FOXO1: variants seen among roughly 807,000 people sequenced by gnomAD.
The protein encoded by FOXO1 is forkhead box protein O1.
FOXO1 carries 6 observed loss-of-function variants against 44.1 expected under a neutral mutation model. That is an observed-to-expected ratio of 0.14 (90% CI 0.07 to 0.27). The LOEUF is 0.27. Ranked by LOEUF, FOXO1 falls within the 10% of genes least tolerant of loss-of-function variation. FOXO1 has a pLI of 1.00. For synonymous variants in FOXO1, 380 were observed against 362.7 expected (o/e 1.05, Z -0.54); for missense variants, 737 against 888.8 (o/e 0.83, Z 2.17).
chr13:40,630,191 C>T (rs1876914383), intron 1 of FOXO1, among the ~76,000 whole-genome samples: 1 of 151,934 alleles, frequency 6.6e-6, no homozygotes. Flanking sequence ...TCAAGTCCTG[C>T]TAATTTAAAC....
intron 1 of FOXO1, among the ~76,000 whole-genome samples, chr13:40,575,758 C>T (rs1477076021): frequency 6.6e-6 from 1 of 152,172 alleles, no homozygotes; most frequent in African/African-American, 2.4e-5. Flanking sequence ...CTCCCTGCCT[C>T]CCATGGTCTT....
intron 1 of FOXO1, among the ~76,000 whole-genome samples, chr13:40,605,208 A>G (rs1014664424): frequency 5.9e-5 from 9 of 152,148 alleles, no homozygotes; most frequent in African/African-American, 1.7e-4. Context: ...AATAAAACAC[A>G]GTTACTAACA....
At position 40,556,701 on chromosome 13, in the gene FOXO1, G is replaced by C. The variant is rs916568358; in HGVS notation, c.*2348C>G. The C allele has an allele frequency of 6.6e-6, 1 of 152,210 alleles. No individual in the cohort carries two copies. Among genetic ancestry groups the C allele is most frequent in the South Asian group, 2.1e-4 (1 of 4,830 alleles). The allele number at this position is 152,210 out of a possible 1,614,324, so 9.4% of individuals were successfully genotyped here. A position where few individuals can be genotyped will look rare whatever the true frequency, so the allele number is the denominator to read the frequency against. On this transcript the variant is annotated 3_prime_UTR_variant, in exon 3 of 3. Coordinates refer to ENST00000379561, the MANE Select transcript of FOXO1 (RefSeq NM_002015.4). The stretch of plus-strand genomic sequence containing the variant: ...TTCAACACACAATGGGGGCTTGGGA[G>C]AGGTATAATTACCCAGACTCAGGAG...
At chr13:40,620,250 C>T (rs1175207002) in intron 1 of FOXO1, 89 of 1,475,034 alleles carry the variant, frequency 6.0e-5, no homozygotes, top group Middle Eastern at 5.3e-4. Flanking sequence ...GGATCCATCC[C>T]GGAGAAAATA....
chr13:40,650,174 A>C (rs1877634181), intron 1 of FOXO1, among the ~76,000 whole-genome samples: 1 of 152,088 alleles, frequency 6.6e-6, no homozygotes, highest in African/African-American at 2.4e-5. Flanking sequence ...TAACTTCCTG[A>C]CTTTGCCACA....
In FOXO1 at chr13:40,630,932, T is replaced by C. The variant is rs1876941558; in HGVS notation, c.630+34651A>G. Among the ~76,000 whole-genome samples the C allele has an allele frequency of 2.6e-5, 4 of 152,286 alleles. No individual in the cohort carries two copies. In the South Asian group the frequency reaches 8.3e-4, roughly 32 times the overall value. ...CAAGAATCAAGGGGCAATGCCTCCATACAGGTGAGGATTTTCCCACCCCAA... is the reference window on the plus strand; with the variant it reads ...CAAGAATCAAGGGGCAATGCCTCCACACAGGTGAGGATTTTCCCACCCCAA... On this transcript the variant is annotated intron_variant, in intron 1 of 2. Transcript: ENST00000379561.
chr13:40,666,056 C>G lies in FOXO1; in HGVS notation c.157G>C (p.Asp53His), dbSNP rs1350774254. ...GCCGAGGGCAGGCCCGCCGCGGCGT[C>G]GGGGTTGGCAGCCGCGCTGCCCGAC... Reference protein sequence around the residue: ...APSGSAAANPDAAAGLPSASA... With the variant: ...APSGSAAANPHAAAGLPSASA... Residue 53 changes from aspartate to histidine, a missense_variant, in exon 1 of 3, where the codon GAC (aspartate) becomes CAC (histidine). Asp to His is a moderately conservative substitution (Grantham distance 81). Coordinates refer to ENST00000379561, the MANE Select transcript of FOXO1 (RefSeq NM_002015.4). 7.6e-7 allele frequency: 1 copy of G among 1,309,826 alleles called. No individual in the cohort carries two copies. The allele number at this position is 1,309,826 out of a possible 1,614,324, so 81.1% of individuals were successfully genotyped here.
intron 1 of FOXO1, chr13:40,620,448 T>A (rs537543683): frequency 4.7e-6 from 3 of 639,194 alleles, no homozygotes; most frequent in African/African-American, 3.7e-5. Flanking sequence ...TGAGCCATCA[T>A]CAGTGGCTCT....
chr13:40,617,431 G>T (rs1435187540), intron 1 of FOXO1, among the ~76,000 whole-genome samples: 1 of 148,162 alleles, frequency 6.7e-6, no homozygotes, highest in Non-Finnish European at 1.5e-5. Context: ...GCAAAACTCC[G>T]TCTCAAAAAA....
intron 1 of FOXO1, among the ~76,000 whole-genome samples, chr13:40,608,105 C>T (rs1876087678): frequency 6.6e-6 from 1 of 152,224 alleles, no homozygotes; most frequent in African/African-American, 2.4e-5. Context: ...GGCAATAAGA[C>T]ACCACCATAT....
intron 1 of FOXO1, among the ~76,000 whole-genome samples, chr13:40,628,457 AC>A (rs539558139): frequency 3.4e-4 from 51 of 148,804 alleles, no homozygotes; most frequent in African/African-American, 1.2e-3. Flanking sequence ...TCACTGTACA[AC>A]CCCCTCATCC....
intron 1 of FOXO1, among the ~76,000 whole-genome samples, chr13:40,563,553 G>C (rs941169663): frequency 6.6e-6 from 1 of 152,130 alleles, no homozygotes; most frequent in Non-Finnish European, 1.5e-5. Flanking sequence ...AACGGAGCAG[G>C]TGTGTGGTGA....
intron 1 of FOXO1, among the ~76,000 whole-genome samples, chr13:40,610,281 A>T (rs1876183584): frequency 6.6e-6 from 1 of 152,156 alleles, no homozygotes; most frequent in Admixed American, 6.5e-5. Context: ...GTGAAATTTT[A>T]AAAAATGGTA....
intron 1 of FOXO1, among the ~76,000 whole-genome samples, chr13:40,594,543 A>T (rs985345054): frequency 2.4e-4 from 36 of 152,156 alleles, no homozygotes; most frequent in Admixed American, 1.9e-3. Context: ...CAAACGTTCA[A>T]CCTGCCACAG....
chr13:40,624,192 T>A (rs1020535979), intron 1 of FOXO1, among the ~76,000 whole-genome samples: 3 of 151,700 alleles, frequency 2.0e-5, no homozygotes, highest in Non-Finnish European at 4.4e-5. Flanking sequence ...AAAGGAGATA[T>A]GTGGCCTAAT....
intron 1 of FOXO1, among the ~76,000 whole-genome samples, chr13:40,661,506 A>G (rs1878035764): frequency 6.6e-6 from 1 of 152,198 alleles, no homozygotes; most frequent in African/African-American, 2.4e-5. Context: ...CATGTTGCCC[A>G]GGGTGGTCTT....
intron 1 of FOXO1, among the ~76,000 whole-genome samples, chr13:40,622,460 C>T (rs1207066059): frequency 1.3e-5 from 2 of 152,184 alleles, no homozygotes; most frequent in African/African-American, 2.4e-5. Flanking sequence ...TATTTAACCA[C>T]CACCACTACC....
intron 1 of FOXO1, among the ~76,000 whole-genome samples, chr13:40,652,285 GA>G (rs1351469878): frequency 6.6e-6 from 1 of 150,426 alleles, no homozygotes; most frequent in Non-Finnish European, 1.5e-5. Flanking sequence ...ACAAACTGGT[GA>G]TTCTTTTTTT....
chr13:40,612,827 G>A (rs1424453696), intron 1 of FOXO1, among the ~76,000 whole-genome samples: 2 of 152,120 alleles, frequency 1.3e-5, no homozygotes, highest in African/African-American at 2.4e-5. Context: ...AGGTATGTAG[G>A]TATAGGGAAA....
Sources: allele counts gnomAD v4.1 joint callset (sites outside exome capture counted in the v4.1 genomes callset), GRCh38; gene constraint gnomAD v4.1.1; transcripts MANE v1.5; gene names NCBI Gene and HGNC (gene_info 2026-07-23, HGNC 2026-07-21).